SYT16: variants seen among roughly 807,000 people sequenced by gnomAD.
The protein encoded by SYT16 is synaptotagmin-16.
SYT16 carries 42 observed loss-of-function variants against 61.4 expected under a neutral mutation model. The ratio of observed to expected loss-of-function variants is 0.68; its 90% confidence interval spans 0.53 to 0.89. SYT16 has a LOEUF of 0.89. Ranked by LOEUF, SYT16 falls within the 40% of genes least tolerant of loss-of-function variation. The probability of loss-of-function intolerance (pLI) is 0.00; values close to 1 mark genes in which losing one functional copy is unlikely to be tolerated. For missense variants in SYT16, 804 were observed against 807.3 expected, an observed-to-expected ratio of 1.00 and a Z score of 0.05; for synonymous variants, 314 against 302.3, an observed-to-expected ratio of 1.04 and a Z score of -0.40.
At chr14:61,963,530 G>C (rs1209196183) in intron 1 of SYT16, among the ~76,000 whole-genome samples, 1 of 152,178 alleles carries the variant, frequency 6.6e-6, no homozygotes, top group Non-Finnish European at 1.5e-5. Context: ...GGCTGAGAGA[G>C]GTCAGGAAGC....
Position 61,885,109 on chromosome 14 carries a change from T to G in SYT16, c.-325+72299T>G, listed in dbSNP as rs368344389. ...TGCTTCAGAAAGTATCATCACAATT[T>G]CATTATCTGTCTAATACTGTGTAAA... is the stretch of plus-strand genomic sequence containing the variant. On this transcript the variant is annotated intron_variant, in intron 1 of 7. Coordinates refer to ENST00000683842, the MANE Select transcript of SYT16 (RefSeq NM_001367656.1). Among the ~76,000 whole-genome samples, 4 of 152,304 alleles carry G rather than the reference T, an allele frequency of 2.6e-5. No homozygotes were observed. The East Asian group carries it at 7.7e-4, about 29-fold the overall frequency.
chr14:61,995,617 A>G (rs2052734385), intron 2 of SYT16, among the ~76,000 whole-genome samples: 4 of 152,192 alleles, frequency 2.6e-5, no homozygotes, highest in East Asian at 3.9e-4. Flanking sequence ...AGGATGGTCT[A>G]TGGGGATAGA....
intron 3 of SYT16, 27 bp from the exon 4 acceptor site, chr14:62,069,576 A>G: frequency 6.2e-7 from 1 of 1,607,574 alleles, no homozygotes; most frequent in Non-Finnish European, 8.5e-7. Context: ...GCCACACAGG[A>G]GACTCATGGC....
intron 1 of SYT16, among the ~76,000 whole-genome samples, chr14:61,880,413 A>T (rs2047658935): frequency 6.6e-6 from 1 of 152,198 alleles, no homozygotes; most frequent in Non-Finnish European, 1.5e-5. Flanking sequence ...CAGAGCAAGC[A>T]TTCCTTTCTT....
chr14:61,889,971 A>G (rs1432780563), intron 1 of SYT16, among the ~76,000 whole-genome samples: 2 of 151,978 alleles, frequency 1.3e-5, no homozygotes, highest in Non-Finnish European at 2.9e-5. Flanking sequence ...ACAAGTTTTG[A>G]TCAAAGGAGG....
intron 1 of SYT16, among the ~76,000 whole-genome samples, chr14:61,886,410 C>G (rs190961212): frequency 6.6e-6 from 1 of 152,186 alleles, no homozygotes; most frequent in East Asian, 1.9e-4. Flanking sequence ...TAGAGTCAAT[C>G]CTCTCGAACC....
intron 3 of SYT16, among the ~76,000 whole-genome samples, chr14:61,998,929 GT>G (rs2052878847): frequency 1.3e-5 from 2 of 151,808 alleles, no homozygotes. Context: ...GATTTTTGTT[GT>G]TTAGTATGTT....
intron 1 of SYT16, among the ~76,000 whole-genome samples, chr14:61,844,783 G>A (rs2046393456): frequency 6.6e-6 from 1 of 152,026 alleles, no homozygotes; most frequent in African/African-American, 2.4e-5. Flanking sequence ...AATTCCATTT[G>A]GTAATATTTT....
chr14:62,000,464 A>G (rs1040699631), intron 3 of SYT16, among the ~76,000 whole-genome samples: 1 of 151,958 alleles, frequency 6.6e-6, no homozygotes, highest in African/African-American at 2.4e-5. Flanking sequence ...TTTCTAGTAC[A>G]TAGCATATAA....
chr14:61,942,039 T>G (rs2050231375), intron 1 of SYT16, among the ~76,000 whole-genome samples: 1 of 152,232 alleles, frequency 6.6e-6, no homozygotes, highest in Non-Finnish European at 1.5e-5. Flanking sequence ...AATATACTGC[T>G]TTTCTGCAAC....
chr14:62,037,303 C>T (rs1163085129), intron 3 of SYT16, among the ~76,000 whole-genome samples: 1 of 152,082 alleles, frequency 6.6e-6, no homozygotes, highest in African/African-American at 2.4e-5. Flanking sequence ...ACTCTGTCAT[C>T]TCCAGACTCT....
At chr14:62,072,854 G>T (rs920317503) in intron 4 of SYT16, among the ~76,000 whole-genome samples, 1 of 152,070 alleles carries the variant, frequency 6.6e-6, no homozygotes, top group Non-Finnish European at 1.5e-5. Context: ...CATCAAAGTG[G>T]GATATGAACT....
rs957241504 is a variant in SYT16 at position 62,039,983 on chromosome 14, G to A, written c.524-29620G>A. On this transcript the variant is annotated intron_variant, in intron 3 of 7. Transcript: ENST00000683842. ...ACAAGAATGATTTGCTCCAGTTCAC[G>A]GAGGGTGTTGAAAGCAGTAATCTAG... Among the ~76,000 whole-genome samples, 6 of 151,808 alleles carry A rather than the reference G, an allele frequency of 4.0e-5. No individual in the cohort carries two copies. The South Asian group carries it at 6.2e-4, about 16-fold the overall frequency.
chr14:61,916,097 A>G (rs1483966051), intron 1 of SYT16, among the ~76,000 whole-genome samples: 2 of 152,318 alleles, frequency 1.3e-5, no homozygotes, highest in African/African-American at 2.4e-5. Flanking sequence ...ATCAAAATGC[A>G]AAGTTGCTTA....
intron 3 of SYT16, among the ~76,000 whole-genome samples, chr14:62,057,318 G>A (rs537039984): frequency 7.2e-5 from 11 of 152,316 alleles, no homozygotes; most frequent in African/African-American, 2.6e-4. Context: ...CATAAATATA[G>A]TGGGCTGAAT....
chr14:62,034,946 G>C (rs1566783387), intron 3 of SYT16, among the ~76,000 whole-genome samples: 1 of 152,164 alleles, frequency 6.6e-6, no homozygotes. Flanking sequence ...AATGACAAAA[G>C]TTTTTCTGTC....
intron 1 of SYT16, among the ~76,000 whole-genome samples, chr14:61,953,450 G>C (rs1471404882): frequency 6.6e-6 from 1 of 151,878 alleles, no homozygotes. Flanking sequence ...GTCTCCAGGA[G>C]ACCTCTCTCT....
At chr14:61,959,060 A>G (rs566024334) in intron 1 of SYT16, among the ~76,000 whole-genome samples, 2 of 152,252 alleles carry the variant, frequency 1.3e-5, no homozygotes, top group East Asian at 1.9e-4. Context: ...TAATATGAGT[A>G]TAGCCACTTT....
intron 3 of SYT16, among the ~76,000 whole-genome samples, chr14:62,035,784 A>G (rs2054483187): frequency 6.6e-6 from 1 of 152,204 alleles, no homozygotes; most frequent in Admixed American, 6.5e-5. Flanking sequence ...AATGAAATAT[A>G]TAATTGATTC....
Sources: allele counts gnomAD v4.1 joint callset (sites outside exome capture counted in the v4.1 genomes callset), GRCh38; gene constraint gnomAD v4.1.1; transcripts MANE v1.5; gene names NCBI Gene and HGNC (gene_info 2026-07-23, HGNC 2026-07-21).